The following GRHL2 variants were observed in gnomAD, a reference collection of about 807,000 sequenced individuals.
GRHL2 encodes grainyhead-like protein 2 homolog.
Under a neutral mutation model 83.8 loss-of-function variants are expected in GRHL2, and 21 were observed. The observed-to-expected ratio is 0.25, with a 90% CI of 0.18 to 0.36. The LOEUF is 0.36. Among genes scored for constraint, GRHL2 ranks in the 10% least tolerant of loss-of-function variants. The pLI, the probability that GRHL2 is intolerant of heterozygous loss-of-function variation, is 1.00. For synonymous variants in GRHL2, 280 were observed against 278.9 expected (o/e 1.00, Z -0.04); for missense variants, 623 against 781.8 (o/e 0.80, Z 2.42).
chr8:101,670,914 G>C (rs1276596530), downstream of GRHL2, among the ~76,000 whole-genome samples: 1 of 152,226 alleles, frequency 6.6e-6, no homozygotes, highest in African/African-American at 2.4e-5. Context: ...GCCCTCATAG[G>C]AGGTGGGGTG....
intron 14 of GRHL2, among the ~76,000 whole-genome samples, chr8:101,658,826 A>C (rs75412261): frequency 0.018 from 2,782 of 152,310 alleles, 79 homozygotes; most frequent in South Asian, 0.1. Flanking sequence ...TTCAAAAAAA[A>C]CCAACTCTTG....
At chr8:101,504,702 C>T (rs1169074270) in intron 1 of GRHL2, among the ~76,000 whole-genome samples, 11 of 151,608 alleles carry the variant, frequency 7.3e-5, no homozygotes, top group Non-Finnish European at 8.8e-5. Context: ...CTTGCTTCTC[C>T]CTGGAGGGCC....
chr8:101,600,538 C>T (rs1802865021), intron 8 of GRHL2, among the ~76,000 whole-genome samples: 1 of 152,202 alleles, frequency 6.6e-6, no homozygotes, highest in Non-Finnish European at 1.5e-5. Flanking sequence ...TCTCATCGTT[C>T]CCTGTTCTCT....
chr8:101,512,299 A>G (rs1810482956), intron 1 of GRHL2, among the ~76,000 whole-genome samples: 1 of 152,202 alleles, frequency 6.6e-6, no homozygotes, highest in Non-Finnish European at 1.5e-5. Context: ...CATTCCTATA[A>G]AAACAAATAC....
chr8:101,607,165 A>T (rs1812648632), intron 8 of GRHL2, among the ~76,000 whole-genome samples: 1 of 152,054 alleles, frequency 6.6e-6, no homozygotes, highest in Non-Finnish European at 1.5e-5. Context: ...GTTTTTATTG[A>T]GCCTCCATTG....
chr8:101,513,342 C>T (rs1810501028), intron 1 of GRHL2, among the ~76,000 whole-genome samples: 1 of 151,960 alleles, frequency 6.6e-6, no homozygotes, highest in African/African-American at 2.4e-5. Context: ...TCTTGCCTCC[C>T]AGCATTATGG....
At chr8:101,522,479 C>T (rs1172515923) in intron 1 of GRHL2, among the ~76,000 whole-genome samples, 1 of 152,102 alleles carries the variant, frequency 6.6e-6, no homozygotes, top group Non-Finnish European at 1.5e-5. Flanking sequence ...GAACCAATCC[C>T]CTGTGGATAT....
chr8:101,565,660 C>T (rs1563583392), intron 4 of GRHL2, among the ~76,000 whole-genome samples: 2 of 152,142 alleles, frequency 1.3e-5, no homozygotes, highest in Admixed American at 6.5e-5. Context: ...GACTAGTTGA[C>T]CTGGAAGTGG....
chr8:101,619,428 A>T, intron 8 of GRHL2, 111 bp from the exon 9 acceptor site: 1 of 830,008 alleles, frequency 1.2e-6, no homozygotes. Context: ...AATATTCTTC[A>T]GTTGTCTTTA....
At chr8:101,612,403 G>C (rs1424415860) in intron 8 of GRHL2, among the ~76,000 whole-genome samples, 1 of 150,566 alleles carries the variant, frequency 6.6e-6, no homozygotes, top group Non-Finnish European at 1.5e-5. Flanking sequence ...TTGAGGGCAG[G>C]GCCCTGCCAT....
At chr8:101,594,125 T>C (rs939426087) in intron 7 of GRHL2, among the ~76,000 whole-genome samples, 19 of 137,336 alleles carry the variant, frequency 1.4e-4, no homozygotes, top group Non-Finnish European at 2.5e-4. Context: ...GGGGAACAGA[T>C]GCAGAGACAC....
At chr8:101,530,943 C>T (rs991862235) in intron 1 of GRHL2, among the ~76,000 whole-genome samples, 2 of 152,106 alleles carry the variant, frequency 1.3e-5, no homozygotes, top group African/African-American at 4.8e-5. Flanking sequence ...AGAACTCAGG[C>T]TCCGAGGTTG....
chr8:101,556,765 C>T (rs1423109002), intron 3 of GRHL2, among the ~76,000 whole-genome samples: 1 of 152,122 alleles, frequency 6.6e-6, no homozygotes, highest in Admixed American at 6.5e-5. Flanking sequence ...GATAAATTCT[C>T]ATTATTTTAT....
At chr8:101,525,340 A>G (rs1229169083) in intron 1 of GRHL2, among the ~76,000 whole-genome samples, 1 of 152,164 alleles carries the variant, frequency 6.6e-6, no homozygotes, top group Admixed American at 6.5e-5. Context: ...TAAATTATTG[A>G]AGTCCCAGAA....
Position 101,666,870 on chromosome 8 carries a change from C to T in GRHL2, c.*167C>T. The T allele has an allele frequency of 1.5e-6, 1 of 673,438 alleles. No homozygotes were observed. Among genetic ancestry groups the T allele is most frequent in the Admixed American group, 2.1e-5 (1 of 47,676 alleles). The allele number at this position is 673,438 out of a possible 1,614,324, so 41.7% of individuals were successfully genotyped here. Reference sequence around the variant, plus strand: ...AGGGACAGGCCCCACTGTCGGTGTGCTTGGCCCATCCACTGGCACCTACCA... The same window carrying T: ...AGGGACAGGCCCCACTGTCGGTGTGTTTGGCCCATCCACTGGCACCTACCA... On this transcript the variant is annotated 3_prime_UTR_variant, in exon 16 of 16. Transcript: ENST00000646743.
chr8:101,557,637 CT>C (rs1407275258), intron 3 of GRHL2, among the ~76,000 whole-genome samples: 1 of 152,170 alleles, frequency 6.6e-6, no homozygotes, highest in East Asian at 1.9e-4. Context: ...ACAAGAGCTG[CT>C]TCTCATACTT....
intron 4 of GRHL2, among the ~76,000 whole-genome samples, chr8:101,563,918 G>T (rs1328642114): frequency 6.6e-6 from 1 of 152,126 alleles, no homozygotes; most frequent in African/African-American, 2.4e-5. Context: ...CTCACACAGT[G>T]TAGAAATATT....
At chr8:101,562,155 G>A (rs867640203) in intron 4 of GRHL2, 13 of 630,476 alleles carry the variant, frequency 2.1e-5, no homozygotes, top group Middle Eastern at 4.4e-4. Flanking sequence ...ATTTTTCTTC[G>A]ATCTGTTCAT....
intron 1 of GRHL2, among the ~76,000 whole-genome samples, chr8:101,513,157 G>A (rs1032982912): frequency 7.2e-5 from 11 of 152,034 alleles, no homozygotes; most frequent in Middle Eastern, 3.4e-3. Flanking sequence ...GCCTTACAGG[G>A]TCATGTTGTT....
Sources: allele counts gnomAD v4.1 joint callset (sites outside exome capture counted in the v4.1 genomes callset), GRCh38; gene constraint gnomAD v4.1.1; transcripts MANE v1.5; gene names NCBI Gene and HGNC (gene_info 2026-07-23, HGNC 2026-07-21).